LTBP1: variants seen among roughly 807,000 people sequenced by gnomAD.
LTBP1 encodes latent-transforming growth factor beta-binding protein 1.
In LTBP1, 129 loss-of-function variants were observed where a neutral mutation model predicts 207.6. The observed-to-expected ratio is 0.62, with a 90% CI of 0.54 to 0.72. The LOEUF (loss-of-function observed/expected upper bound fraction) is 0.72, where lower values mean the gene tolerates loss of function less well. Ranked by LOEUF, LTBP1 falls within the 30% of genes least tolerant of loss-of-function variation. The probability of loss-of-function intolerance (pLI) is 0.00; values close to 1 mark genes in which losing one functional copy is unlikely to be tolerated. For synonymous variants in LTBP1, 963 were observed against 833.7 expected (o/e 1.16, Z -2.67); for missense variants, 2,281 against 2,217.2 (o/e 1.03, Z -0.58).
At chr2:32,968,185 C>T (rs1680281433) in intron 2 of LTBP1, among the ~76,000 whole-genome samples, 1 of 152,086 alleles carries the variant, frequency 6.6e-6, no homozygotes, top group African/African-American at 2.4e-5. Context: ...CCATACTGGT[C>T]TTGAGCTCCT....
chr2:33,363,726 C>T (rs1469622480), intron 29 of LTBP1, among the ~76,000 whole-genome samples: 1 of 152,086 alleles, frequency 6.6e-6, no homozygotes, highest in Non-Finnish European at 1.5e-5. Flanking sequence ...GTATTTCAAA[C>T]AAAGAGTTAA....
At chr2:33,297,642 G>C (rs915901282) in intron 20 of LTBP1, among the ~76,000 whole-genome samples, 5 of 152,036 alleles carry the variant, frequency 3.3e-5, no homozygotes, top group Non-Finnish European at 7.4e-5. Flanking sequence ...ATGTTAGCCA[G>C]AATGGTCTCC....
chr2:33,274,974 A>G lies in LTBP1; in HGVS notation c.2753A>G (p.Glu918Gly). The change falls in exon 17 of 34, where the codon GAG becomes GGG. Residue 918 changes from glutamate to glycine, a missense_variant. By Grantham distance (98) the Glu-to-Gly change is moderately conservative. Around this residue, in one of 3 missense-constraint regions of LTBP1, gnomAD observed 1,671 missense variants for 1,634.8 expected, o/e 1.02. Coordinates refer to ENST00000404816, the MANE Select transcript of LTBP1 (RefSeq NM_206943.4). The stretch of plus-strand genomic sequence containing the variant: ...GTATTTTTGTTAACAGATATTGATG[A>G]GTGTACTCAGGTCCAACACCTCTGC... ...EQQRKCVDIDECTQVQHLCSQ... is the reference protein window; with the variant it reads ...EQQRKCVDIDGCTQVQHLCSQ... 6.2e-7 allele frequency: 1 copy of G among 1,613,948 alleles called. No individual in the cohort carries two copies. Among genetic ancestry groups the G allele is most frequent in the Non-Finnish European group, 8.5e-7 (1 of 1,179,886 alleles).
intron 2 of LTBP1, among the ~76,000 whole-genome samples, chr2:32,950,338 CTT>C (rs1466283867): frequency 2.0e-5 from 3 of 152,136 alleles, no homozygotes; most frequent in Non-Finnish European, 2.9e-5. Flanking sequence ...GGGTGGATCA[CTT>C]GAGGCCAGGA....
intron 15 of LTBP1, among the ~76,000 whole-genome samples, chr2:33,268,370 A>G (rs1186287819): frequency 2.0e-5 from 3 of 152,248 alleles, no homozygotes; most frequent in African/African-American, 4.8e-5. Context: ...AGACAGGGAT[A>G]GAACAATACG....
At chr2:33,319,194 T>A (rs148375779) in intron 24 of LTBP1, among the ~76,000 whole-genome samples, 1,575 of 152,248 alleles carry the variant, frequency 0.01, 20 homozygotes, top group African/African-American at 0.036. Context: ...GGTCAGGAGT[T>A]CGAGACCAGC....
At chr2:33,238,356 A>T (rs1273085975) in intron 9 of LTBP1, among the ~76,000 whole-genome samples, 1 of 152,188 alleles carries the variant, frequency 6.6e-6, no homozygotes, top group African/African-American at 2.4e-5. Flanking sequence ...CACTTTGTTA[A>T]ACATACATAC....
At chr2:33,142,715 C>T (rs1236495685) in intron 5 of LTBP1, among the ~76,000 whole-genome samples, 1 of 152,030 alleles carries the variant, frequency 6.6e-6, no homozygotes, top group Non-Finnish European at 1.5e-5. Flanking sequence ...AAAAATTAAG[C>T]TTAACTAAAA....
chr2:33,396,154 TA>T (rs897658857), intron 32 of LTBP1, among the ~76,000 whole-genome samples: 18 of 147,478 alleles, frequency 1.2e-4, no homozygotes, highest in Admixed American at 6.3e-4. Flanking sequence ...TTTGTTTCCT[TA>T]AAAAAAAACT....
At chr2:32,958,975 T>C (rs909139183) in intron 2 of LTBP1, among the ~76,000 whole-genome samples, 2 of 152,226 alleles carry the variant, frequency 1.3e-5, no homozygotes, top group Admixed American at 6.5e-5. Flanking sequence ...GTAAAATGAA[T>C]GTTGTATGAT....
chr2:33,095,866 A>C (rs560382099), intron 3 of LTBP1, among the ~76,000 whole-genome samples: 2 of 152,272 alleles, frequency 1.3e-5, no homozygotes, highest in African/African-American at 4.8e-5. Flanking sequence ...AAAATGAATA[A>C]AATCTCAGTG....
intron 18 of LTBP1, among the ~76,000 whole-genome samples, chr2:33,276,303 C>A (rs1475563747): frequency 1.3e-5 from 2 of 152,198 alleles, no homozygotes; most frequent in Admixed American, 1.3e-4. Flanking sequence ...CACCTACTTA[C>A]ATTCCTTTGT....
chr2:33,168,417 G>A (rs201399632), intron 5 of LTBP1, among the ~76,000 whole-genome samples: 1,950 of 138,178 alleles, frequency 0.014, 16 homozygotes, highest in East Asian at 0.023. Context: ...AAAAAAAAAA[G>A]AAAAAAGAAA....
At position 33,354,487 on chromosome 2, in the gene LTBP1, A is replaced by G. The variant is rs75574593; in HGVS notation, c.4001-6110A>G. On this transcript the variant is annotated intron_variant, in intron 26 of 33. Transcript: ENST00000404816. The stretch of plus-strand genomic sequence containing the variant: ...AATACGTTCATTTGTTTAAAAAAAA[A>G]ATATCTAGTCAAGTTTCTTCCCACA... Among the ~76,000 whole-genome samples, 642 of 152,212 alleles carry G rather than the reference A, an allele frequency of 4.2e-3. 3 individuals are homozygous for G. Among genetic ancestry groups the G allele is most frequent in the African/African-American group, 0.015 (613 of 41,534 alleles).
intron 3 of LTBP1, among the ~76,000 whole-genome samples, chr2:33,034,901 G>A (rs11691016): frequency 1.0e-3 from 157 of 152,306 alleles, no homozygotes; most frequent in South Asian, 4.3e-3. Context: ...ATGCCAGTGG[G>A]CAGCAGGTGG....
chr2:32,990,794 G>T (rs1002915202), intron 2 of LTBP1, among the ~76,000 whole-genome samples: 2 of 152,116 alleles, frequency 1.3e-5, no homozygotes, highest in Non-Finnish European at 2.9e-5. Context: ...TGTCTGCACA[G>T]CATTTTCATC....
intron 19 of LTBP1, among the ~76,000 whole-genome samples, chr2:33,283,413 G>A (rs1023553174): frequency 2.1e-5 from 3 of 143,568 alleles, no homozygotes; most frequent in African/African-American, 7.7e-5. Flanking sequence ...AATTCTCCGT[G>A]ATAACATTAA....
At chr2:33,017,316 T>C (rs1377550901) in intron 2 of LTBP1, among the ~76,000 whole-genome samples, 2 of 152,158 alleles carry the variant, frequency 1.3e-5, no homozygotes, top group Admixed American at 6.5e-5. Flanking sequence ...CCTCAGAAAC[T>C]TGCTGCTGGA....
At chr2:32,969,301 CA>C (rs1174243782) in intron 2 of LTBP1, among the ~76,000 whole-genome samples, 1 of 149,942 alleles carries the variant, frequency 6.7e-6, no homozygotes, top group Non-Finnish European at 1.5e-5. Flanking sequence ...ATTTTCATTT[CA>C]GGGGCACATG....
Sources: gnomAD v4.1 joint callset for allele counts (sites outside exome capture counted in the v4.1 genomes callset) on GRCh38, gnomAD v4.1.1 for gene constraint, gnomAD v4.1.1 regional missense constraint, MANE v1.5 for transcripts, NCBI Gene and HGNC (gene_info 2026-07-23, HGNC 2026-07-21) for gene names.